Variants in ZNF200 observed in about 807,000 individuals in gnomAD.
The protein encoded by ZNF200 is zinc finger protein 200.
In ZNF200, 35 loss-of-function variants were observed where a neutral mutation model predicts 33.6. The ratio of observed to expected loss-of-function variants is 1.04; its 90% CI spans 0.80 to 1.38. The LOEUF (loss-of-function observed/expected upper bound fraction) is 1.38, where lower values mean the gene tolerates loss of function less well. ZNF200 is among the 40% of genes most tolerant of loss of function. ZNF200 has a pLI of 0.00. For missense variants in ZNF200, 592 were observed against 470.6 expected (o/e 1.26, Z -2.39); for synonymous variants, 209 against 167.7 (o/e 1.25, Z -1.90).
intron 4 of ZNF200, 130 bp downstream of exon 4, chr16:3,232,291 A>G (rs1168516316): frequency 1.7e-6 from 2 of 1,158,766 alleles, no homozygotes; most frequent in East Asian, 5.0e-5. Context: ...TGAATAAAAC[A>G]AAAGTAAAAT....
chr16:3,224,217 C>G lies in ZNF200; in HGVS notation c.863G>C (p.Ser288Thr), dbSNP rs1958407224. 2 of 1,614,046 alleles carry G rather than the reference C, an allele frequency of 1.2e-6. No individual in the cohort carries two copies. The highest frequency in any genetic ancestry group is 1.3e-5 in the African/African-American group (1 of 74,918). ...KPYDCNHCGK[S>T]FNHKTNLNKH... is the part of the protein sequence containing the mutation. Reference sequence around the variant, plus strand: ...ATTGAGGTTTGTTTTATGATTGAAGCTTTTCCCACAGTGATTACAGTCATA... The same window carrying G: ...ATTGAGGTTTGTTTTATGATTGAAGGTTTTCCCACAGTGATTACAGTCATA... Residue 288 changes from serine (S) to threonine (T), a missense_variant, in exon 5 of 5, where the codon AGC becomes ACC. Physicochemically the swap from Ser to Thr is moderately conservative, Grantham distance 58 (BLOSUM62 1). Transcript: ENST00000414144.
intron 1 of ZNF200, among the ~76,000 whole-genome samples, chr16:3,234,478 AG>A (rs1197618481): frequency 3.9e-5 from 6 of 152,228 alleles, no homozygotes; most frequent in African/African-American, 1.4e-4. Context: ...GGAAAAAGAA[AG>A]AAAAGACAGA....
At chr16:3,233,306 C>G (rs1047193618) in intron 2 of ZNF200, among the ~76,000 whole-genome samples, 200 bp downstream of exon 2, 1 of 152,236 alleles carries the variant, frequency 6.6e-6, no homozygotes, top group Non-Finnish European at 1.5e-5. Context: ...AAAACTGACA[C>G]TACAGAAAGA....
chr16:3,232,871 G>A lies in ZNF200; in HGVS notation c.301C>T (p.Gln101Ter). Reference sequence around the variant, plus strand: ...TTCAAATACAGAGACACTGTCTCTTGTTCCTTTTGGACTCCTTTGGGCAGA... The same window carrying A: ...TTCAAATACAGAGACACTGTCTCTTATTCCTTTTGGACTCCTTTGGGCAGA... Reference protein sequence around the residue: ...KLLPKGVQKEQETVSLYLKAN... With the variant: ...KLLPKGVQKE Residue 101 changes from glutamine (Q) to a stop codon, truncating the protein, a stop_gained, in exon 3 of 5, where the codon CAA becomes TAA. Transcript: ENST00000414144. LOFTEE classifies it high-confidence loss of function. 6.2e-7 allele frequency: 1 copy of A among 1,613,860 alleles called. No individual in the cohort carries two copies. The highest frequency in any genetic ancestry group is 8.5e-7 in the Non-Finnish European group (1 of 1,179,840).
rs1958369538 is a variant in ZNF200, at chr16:3,223,035, G to A, written c.*857C>T. 1 of 152,206 alleles carries A rather than the reference G, an allele frequency of 6.6e-6. No individual in the cohort carries two copies. The highest frequency in any genetic ancestry group is 1.5e-5 in the Non-Finnish European group (1 of 68,082). 9.4% of individuals were successfully genotyped at this position (152,206 alleles called of 1,614,324 possible). A position where few individuals can be genotyped will look rare whatever the true frequency, so the allele number is the denominator to read the frequency against. ...CCTCCAGGTTGACCCTTCCTCTCTG[G>A]GTCTTGGGGTTTCCTTCGTAGCACA... On this transcript the variant is annotated 3_prime_UTR_variant, in exon 5 of 5. Transcript: ENST00000414144.
intron 1 of ZNF200, 190 bp from the exon 2 acceptor site, chr16:3,234,026 GA>G: frequency 3.1e-6 from 1 of 326,850 alleles, no homozygotes; most frequent in Non-Finnish European, 5.5e-6. Flanking sequence ...TCCTGAGAAT[GA>G]AAAACAGAGA....
At chr16:3,234,799 C>G (rs891975663) in intron 1 of ZNF200, 188 bp downstream of exon 1, 1 of 152,324 alleles carries the variant, frequency 6.6e-6, no homozygotes, top group Non-Finnish European at 1.5e-5. Flanking sequence ...CACTAAGGAC[C>G]GCCGGGCCAG....
At position 3,233,726 on chromosome 16, in the gene ZNF200, G is replaced by C. The variant is rs771952618; in HGVS notation, c.30C>G (p.Pro10=). Reference sequence around the variant, plus strand: ...GTATAAAGGACTGCTTTGGCTTTGGGGGCATAGGAACCACTTTTGCAGCCA... The same window carrying C: ...GTATAAAGGACTGCTTTGGCTTTGGCGGCATAGGAACCACTTTTGCAGCCA... MMAAKVVPM[P]PKPKQSFILR... The change falls in exon 2 of 5, where the codon CCC becomes CCG. Residue 10 remains proline (P), a synonymous_variant. Transcript: ENST00000414144. 4 of 1,612,672 alleles carry C rather than the reference G, an allele frequency of 2.5e-6. No individual in the cohort carries two copies. Among genetic ancestry groups the C allele is most frequent in the Non-Finnish European group, 3.4e-6 (4 of 1,179,466 alleles).
chr16:3,223,136 T>TA lies in ZNF200; in HGVS notation c.*755dup, dbSNP rs1670805869. On this transcript the variant is annotated 3_prime_UTR_variant, in exon 5 of 5. Coordinates refer to ENST00000414144, the MANE Select transcript of ZNF200 (RefSeq NM_198088.3). ...GTGGGGCTGGATGGCCCTGCCTGAGTAATCCAAACTTCTTTTAGCAAGGGA... is the reference window on the plus strand; with the variant it reads ...GTGGGGCTGGATGGCCCTGCCTGAGTAAATCCAAACTTCTTTTAGCAAGGGA... The TA allele has an allele frequency of 1.3e-5, 2 of 152,168 alleles. No individual in the cohort carries two copies. 9.4% of individuals were successfully genotyped at this position (152,168 alleles called of 1,614,324 possible).
chr16:3,225,282 C>T (rs1958437539), intron 4 of ZNF200: 1 of 152,038 alleles, frequency 6.6e-6, no homozygotes, highest in African/African-American at 2.4e-5. Flanking sequence ...CCTGTCTCTA[C>T]TAAAAATACA....
chr16:3,229,538 C>G (rs1268352414), intron 4 of ZNF200, among the ~76,000 whole-genome samples: 1 of 152,096 alleles, frequency 6.6e-6, no homozygotes, highest in Non-Finnish European at 1.5e-5. Flanking sequence ...CAGCCTCAGA[C>G]AGTTCCACAG....
At chr16:3,232,990 G>C in intron 2 of ZNF200, 69 bp from the exon 3 acceptor site, 1 of 1,399,932 alleles carries the variant, frequency 7.1e-7, no homozygotes, top group South Asian at 1.2e-5. Flanking sequence ...CCCATACCGC[G>C]AGGCCAGGCT....
At chr16:3,232,577 A>C in intron 3 of ZNF200, 30 bp from the exon 4 acceptor site, 2 of 1,610,422 alleles carry the variant, frequency 1.2e-6, no homozygotes, top group Non-Finnish European at 1.7e-6. Flanking sequence ...CTTTCATCTT[A>C]GTAACTGAGG....
chr16:3,224,222 C>T lies in ZNF200; in HGVS notation c.858G>A (p.Gly286=), dbSNP rs565589443. 6.2e-7 allele frequency: 1 copy of T among 1,614,140 alleles called. No individual in the cohort carries two copies. The highest frequency in any genetic ancestry group is 8.5e-7 in the Non-Finnish European group (1 of 1,180,036). The change falls in exon 5 of 5, where the codon GGG becomes GGA. Residue 286 remains glycine, a synonymous_variant. Transcript: ENST00000414144. ...GEKPYDCNHC[G]KSFNHKTNLN... ...GGTTTGTTTTATGATTGAAGCTTTTCCCACAGTGATTACAGTCATAGGGTT... is the reference window on the plus strand; with the variant it reads ...GGTTTGTTTTATGATTGAAGCTTTTTCCACAGTGATTACAGTCATAGGGTT...
intron 4 of ZNF200, among the ~76,000 whole-genome samples, chr16:3,231,252 C>T (rs1958628087): frequency 6.6e-6 from 1 of 152,136 alleles, no homozygotes; most frequent in African/African-American, 2.4e-5. Flanking sequence ...TCAGGAAAAA[C>T]TCAGTGTTAA....
rs545033310 is a variant in ZNF200 at position 3,232,184 on chromosome 16, GC to G, written c.466+236del. Among the ~76,000 whole-genome samples the G allele has an allele frequency of 1.4e-4, 22 of 152,246 alleles. No homozygotes were observed. The East Asian group carries it at 4.2e-3, about 29-fold the overall frequency. On this transcript the variant is annotated intron_variant, in intron 4 of 4. Transcript: ENST00000414144. ...TTCTATATCCACAGTTTCTATGTCTGCAGGTTTTCCCTACCTCTCCCCTCAC... is the reference window on the plus strand; with the variant it reads ...TTCTATATCCACAGTTTCTATGTCTGAGGTTTTCCCTACCTCTCCCCTCAC...
At chr16:3,231,034 T>A (rs1567222336) in intron 4 of ZNF200, among the ~76,000 whole-genome samples, 1 of 152,144 alleles carries the variant, frequency 6.6e-6, no homozygotes, top group Non-Finnish European at 1.5e-5. Context: ...CAGAACCCAA[T>A]CCTGCCTGAG....
At chr16:3,231,361 G>A (rs940343145) in intron 4 of ZNF200, among the ~76,000 whole-genome samples, 4 of 152,150 alleles carry the variant, frequency 2.6e-5, no homozygotes, top group African/African-American at 7.2e-5. Flanking sequence ...CAATACTTCT[G>A]ACCATACGGT....
chr16:3,232,987 C>G, intron 2 of ZNF200, 66 bp from the exon 3 acceptor site: 1 of 1,441,710 alleles, frequency 6.9e-7, no homozygotes, highest in Non-Finnish European at 9.7e-7. Flanking sequence ...CTCCCCATAC[C>G]GCGAGGCCAG....
Sources: gnomAD v4.1 joint callset for allele counts (sites outside exome capture counted in the v4.1 genomes callset) on GRCh38, gnomAD v4.1.1 for gene constraint, MANE v1.5 for transcripts, NCBI Gene and HGNC (gene_info 2026-07-23, HGNC 2026-07-21) for gene names.